CCSER1: variants seen among roughly 807,000 people sequenced by gnomAD.
CCSER1 encodes the protein coiled-coil serine rich protein 1.
Under a neutral mutation model 82.0 loss-of-function variants are expected in CCSER1, and 41 were observed. The ratio of observed to expected loss-of-function variants is 0.50; its 90% CI spans 0.39 to 0.65. The LOEUF is 0.65. Among genes scored for constraint, CCSER1 ranks in the 30% least tolerant of loss-of-function variants. The pLI is 0.00. For missense variants in CCSER1, 1,119 were observed against 1,064.2 expected, an observed-to-expected ratio of 1.05 and a Z score of -0.72; for synonymous variants, 414 against 383.9, an observed-to-expected ratio of 1.08 and a Z score of -0.92.
chr4:90,674,089 C>T (rs1733329459), intron 6 of CCSER1, among the ~76,000 whole-genome samples: 1 of 151,830 alleles, frequency 6.6e-6, no homozygotes, highest in African/African-American at 2.4e-5. Flanking sequence ...ATAAGACTGA[C>T]AAAAGGCCTA....
At chr4:90,647,422 G>A (rs1727789814) in intron 6 of CCSER1, among the ~76,000 whole-genome samples, 1 of 151,998 alleles carries the variant, frequency 6.6e-6, no homozygotes, top group Non-Finnish European at 1.5e-5. Context: ...AAAAGCTATT[G>A]GTCAATTTAG....
intron 9 of CCSER1, among the ~76,000 whole-genome samples, chr4:90,995,875 T>G (rs1737449577): frequency 6.6e-6 from 1 of 152,094 alleles, no homozygotes; most frequent in Admixed American, 6.6e-5. Flanking sequence ...TCTTTTGTTA[T>G]TCTTATTTTT....
chr4:90,880,516 T>C (rs1721145146), intron 8 of CCSER1, among the ~76,000 whole-genome samples: 1 of 152,130 alleles, frequency 6.6e-6, no homozygotes, highest in African/African-American at 2.4e-5. Context: ...CTTGGGGTCT[T>C]TGCTACTTCA....
chr4:91,052,168 T>G (rs2148711678), intron 9 of CCSER1, among the ~76,000 whole-genome samples: 1 of 152,216 alleles, frequency 6.6e-6, no homozygotes, highest in East Asian at 1.9e-4. Context: ...TCCTTAATTT[T>G]AATAATTTAT....
intron 9 of CCSER1, 119 bp downstream of exon 9, chr4:90,923,566 A>T: frequency 1.5e-6 from 1 of 665,120 alleles, no homozygotes; most frequent in South Asian, 1.9e-5. Context: ...GCGGTGCACC[A>T]TTCATCTTTT....
In CCSER1 at chr4:90,353,895, T is replaced by G. The variant is rs115668987; in HGVS notation, c.1509+40848T>G. 4.5e-3 allele frequency among the ~76,000 whole-genome samples: 685 copies of G among 152,278 alleles called. 11 individuals are homozygous for G. Among genetic ancestry groups the G allele is most frequent in the African/African-American group, 0.016 (664 of 41,564 alleles). ...ATGACATTCCTCAAAACATTAAAAA[T>G]AGATCTGTCATATGATCCAGTAATC... On this transcript the variant is annotated intron_variant, in intron 3 of 10. Transcript: ENST00000509176.
intron 5 of CCSER1, among the ~76,000 whole-genome samples, chr4:90,474,848 C>T (rs1276100177): frequency 6.6e-6 from 1 of 151,940 alleles, no homozygotes; most frequent in Non-Finnish European, 1.5e-5. Flanking sequence ...AAACTAATAA[C>T]TTATAATACA....
intron 3 of CCSER1, among the ~76,000 whole-genome samples, chr4:90,316,210 G>T (rs1049206779): frequency 6.6e-6 from 1 of 152,170 alleles, no homozygotes; most frequent in African/African-American, 2.4e-5. Flanking sequence ...GTACTGAGAA[G>T]ATAAGCAGGT....
intron 10 of CCSER1, among the ~76,000 whole-genome samples, chr4:91,498,754 A>G (rs1759060953): frequency 6.6e-6 from 1 of 151,826 alleles, no homozygotes; most frequent in South Asian, 2.1e-4. Context: ...TTATTATAAT[A>G]TCCACTTCTC....
At chr4:90,849,643 G>A (rs1169007891) in intron 8 of CCSER1, among the ~76,000 whole-genome samples, 1 of 151,804 alleles carries the variant, frequency 6.6e-6, no homozygotes, top group Non-Finnish European at 1.5e-5. Flanking sequence ...CAAAAAATTA[G>A]CCAGATGTGG....
At chr4:90,532,763 C>T (rs1356004142) in intron 5 of CCSER1, among the ~76,000 whole-genome samples, 2 of 152,172 alleles carry the variant, frequency 1.3e-5, no homozygotes, top group Admixed American at 6.5e-5. Flanking sequence ...TTACATTTCC[C>T]TAGGATATTT....
intron 8 of CCSER1, among the ~76,000 whole-genome samples, chr4:90,859,091 A>T (rs1764771144): frequency 2.6e-5 from 4 of 151,934 alleles, no homozygotes; most frequent in African/African-American, 9.7e-5. Flanking sequence ...TTGAAGTGAC[A>T]GAAGTGACCA....
intron 8 of CCSER1, chr4:90,911,305 G>A: frequency 2.2e-6 from 1 of 456,158 alleles, no homozygotes; most frequent in East Asian, 7.0e-5. Flanking sequence ...GCTTGGCTGT[G>A]TTTCTTGAAG....
chr4:90,213,061 G>C (rs139933466), intron 1 of CCSER1, among the ~76,000 whole-genome samples: 1 of 152,124 alleles, frequency 6.6e-6, no homozygotes, highest in Non-Finnish European at 1.5e-5. Context: ...AAGGTTATGC[G>C]TGCTTTATAA....
chr4:90,489,500 C>T (rs185486876), intron 5 of CCSER1, among the ~76,000 whole-genome samples: 23 of 151,984 alleles, frequency 1.5e-4, no homozygotes, highest in Non-Finnish European at 2.5e-4. Context: ...ATAGGTAGTA[C>T]GTCACTTCTA....
At chr4:90,483,677 C>T (rs1373047504) in intron 5 of CCSER1, among the ~76,000 whole-genome samples, 1 of 152,116 alleles carries the variant, frequency 6.6e-6, no homozygotes, top group Non-Finnish European at 1.5e-5. Context: ...AAATTCTTTT[C>T]TTTAAGAATG....
chr4:91,194,578 ACAGT>A (rs1474512073), intron 10 of CCSER1, among the ~76,000 whole-genome samples: 1 of 152,194 alleles, frequency 6.6e-6, no homozygotes, highest in East Asian at 1.9e-4. Context: ...GCATTGCTCC[ACAGT>A]CAATCATGTC....
At chr4:90,449,211 A>G (rs898566352) in intron 4 of CCSER1, among the ~76,000 whole-genome samples, 1 of 151,994 alleles carries the variant, frequency 6.6e-6, no homozygotes, top group African/African-American at 2.4e-5. Context: ...CTAAGAGGAG[A>G]CCCACAGTGG....
chr4:90,284,805 T>C (rs1729564506), intron 1 of CCSER1, among the ~76,000 whole-genome samples: 1 of 152,066 alleles, frequency 6.6e-6, no homozygotes, highest in Non-Finnish European at 1.5e-5. Flanking sequence ...GAGTTGATTT[T>C]TGTATATGGA....
Sources: allele counts gnomAD v4.1 joint callset (sites outside exome capture counted in the v4.1 genomes callset), GRCh38; gene constraint gnomAD v4.1.1; transcripts MANE v1.5; gene names NCBI Gene and HGNC (gene_info 2026-07-23, HGNC 2026-07-21).